The following RBFOX1 variants were observed in gnomAD, a reference collection of about 807,000 sequenced individuals.
The protein encoded by RBFOX1 is RNA binding fox-1 homolog 1.
Under a neutral mutation model 57.7 loss-of-function variants are expected in RBFOX1, and 8 were observed. That is an observed-to-expected ratio of 0.14 (90% confidence interval 0.08 to 0.25). The LOEUF (loss-of-function observed/expected upper bound fraction) is 0.25, where lower values mean the gene tolerates loss of function less well. Ranked by LOEUF, RBFOX1 falls within the 10% of genes least tolerant of loss-of-function variation. RBFOX1 has a pLI of 1.00. For synonymous variants in RBFOX1, 326 were observed against 222.4 expected, an observed-to-expected ratio of 1.47 and a Z score of -4.15; for missense variants, 611 against 548.5, an observed-to-expected ratio of 1.11 and a Z score of -1.14.
intron 5 of RBFOX1, among the ~76,000 whole-genome samples, chr16:7,542,951 G>GTGACATTACAACTATAGGTAC (rs2083370717): frequency 6.6e-6 from 1 of 152,122 alleles, no homozygotes; most frequent in East Asian, 1.9e-4. Flanking sequence ...AGAAAGGCAA[G>GTGACATTACAACTATAGGTAC]TGACATTACA....
At chr16:5,913,477 G>A (rs1487195364) in intron 4 of RBFOX1, among the ~76,000 whole-genome samples, 3 of 152,094 alleles carry the variant, frequency 2.0e-5, no homozygotes, top group Admixed American at 2.0e-4. Flanking sequence ...AAAGAGCCTG[G>A]TATCTCTCTT....
chr16:6,192,854 T>C (rs894453939), intron 1 of RBFOX1, among the ~76,000 whole-genome samples: 1 of 152,178 alleles, frequency 6.6e-6, no homozygotes, highest in African/African-American at 2.4e-5. Context: ...AGCATCTTTA[T>C]TGAGATCCAT....
At chr16:5,247,298 C>G (rs1432552741) in intron 1 of RBFOX1, among the ~76,000 whole-genome samples, 1 of 152,196 alleles carries the variant, frequency 6.6e-6, no homozygotes, top group African/African-American at 2.4e-5. Flanking sequence ...TCCAAAGCCC[C>G]TATCCTTCCA....
chr16:7,464,364 T>C (rs1029555847), intron 4 of RBFOX1, among the ~76,000 whole-genome samples: 9 of 152,056 alleles, frequency 5.9e-5, no homozygotes, highest in Admixed American at 4.6e-4. Context: ...TCCAAAGGAA[T>C]ATCGCAGAAG....
At chr16:6,352,858 C>T (rs2086648430) in intron 2 of RBFOX1, among the ~76,000 whole-genome samples, 1 of 152,140 alleles carries the variant, frequency 6.6e-6, no homozygotes, top group Non-Finnish European at 1.5e-5. Context: ...TAATTTCCTT[C>T]ATGCTCGCAA....
intron 3 of RBFOX1, among the ~76,000 whole-genome samples, chr16:6,834,921 C>G (rs1338827650): frequency 6.0e-5 from 8 of 132,544 alleles, no homozygotes; most frequent in East Asian, 2.3e-4. Flanking sequence ...GAGATGGTGT[C>G]TCGCTCTGTT....
intron 3 of RBFOX1, among the ~76,000 whole-genome samples, chr16:6,716,961 C>T (rs1603455718): frequency 6.6e-6 from 1 of 152,268 alleles, no homozygotes; most frequent in East Asian, 1.9e-4. Context: ...GAGTGGAGCC[C>T]TCACAAATGG....
At chr16:6,869,535 C>T (rs2060510210) in intron 3 of RBFOX1, among the ~76,000 whole-genome samples, 1 of 151,420 alleles carries the variant, frequency 6.6e-6, no homozygotes. Flanking sequence ...TTTATGAATC[C>T]TTTTTGTTCA....
At chr16:6,949,223 C>G (rs887580654) in intron 3 of RBFOX1, among the ~76,000 whole-genome samples, 3 of 151,936 alleles carry the variant, frequency 2.0e-5, no homozygotes, top group African/African-American at 7.3e-5. Context: ...GATATAGAAA[C>G]AAGCCTATAA....
chr16:6,858,856 C>T (rs1004228031), intron 3 of RBFOX1, among the ~76,000 whole-genome samples: 1 of 151,850 alleles, frequency 6.6e-6, no homozygotes, highest in Non-Finnish European at 1.5e-5. Context: ...ATGCAAAACT[C>T]AGACTCGTAG....
rs147589207 is a variant in RBFOX1, at chr16:5,459,737, A to G, written c.220-7479A>G. Among the ~76,000 whole-genome samples the G allele has an allele frequency of 4.6e-5, 7 of 152,136 alleles. No individual in the cohort carries two copies. The East Asian group carries it at 1.4e-3, about 29-fold the overall frequency. ...CACACATACACACATGCACGCACACACACGCTCACACACGCACCTGCATAC... is the reference window on the plus strand; with the variant it reads ...CACACATACACACATGCACGCACACGCACGCTCACACACGCACCTGCATAC... On this transcript the variant is annotated intron_variant, in intron 1 of 2. Coordinates refer to the RBFOX1 transcript ENST00000585867.
chr16:7,062,794 GC>G (rs2054797477), intron 4 of RBFOX1, among the ~76,000 whole-genome samples: 1 of 151,200 alleles, frequency 6.6e-6, no homozygotes, highest in East Asian at 1.9e-4. Flanking sequence ...GGTTCCCAGG[GC>G]TAGACCTCAG....
chr16:7,314,436 G>C (rs1391059480), intron 4 of RBFOX1, among the ~76,000 whole-genome samples: 2 of 152,154 alleles, frequency 1.3e-5, no homozygotes, highest in East Asian at 3.9e-4. Context: ...ACCTTCCTGA[G>C]CTCTGAGATG....
intron 5 of RBFOX1, among the ~76,000 whole-genome samples, chr16:7,563,896 C>T (rs2091056641): frequency 6.6e-6 from 1 of 152,172 alleles, no homozygotes; most frequent in Admixed American, 6.5e-5. Flanking sequence ...ACCTCCAACC[C>T]TGCCCACTGT....
intron 4 of RBFOX1, among the ~76,000 whole-genome samples, chr16:7,088,148 TG>T (rs976791217): frequency 2.0e-5 from 3 of 152,120 alleles, no homozygotes; most frequent in Non-Finnish European, 4.4e-5. Flanking sequence ...GTATGGGGTT[TG>T]GGGGGATGTA....
At chr16:5,916,833 A>G (rs1567144240) in intron 4 of RBFOX1, among the ~76,000 whole-genome samples, 1 of 152,058 alleles carries the variant, frequency 6.6e-6, no homozygotes, top group Non-Finnish European at 1.5e-5. Context: ...CGGAAACCAC[A>G]TCCTCTTAGC....
intron 3 of RBFOX1, among the ~76,000 whole-genome samples, chr16:5,832,003 A>G (rs1482904862): frequency 6.6e-6 from 1 of 152,160 alleles, no homozygotes; most frequent in East Asian, 1.9e-4. Flanking sequence ...CTTTCATCCT[A>G]GAGGGAAGGT....
chr16:5,505,222 A>G (rs956680517), intron 2 of RBFOX1, among the ~76,000 whole-genome samples: 1 of 152,138 alleles, frequency 6.6e-6, no homozygotes, highest in Admixed American at 6.5e-5. Flanking sequence ...CTTCTCCTCT[A>G]CTTAAAACCT....
chr16:5,662,738 G>T (rs909552651), intron 3 of RBFOX1, among the ~76,000 whole-genome samples: 1 of 152,186 alleles, frequency 6.6e-6, no homozygotes, highest in Non-Finnish European at 1.5e-5. Flanking sequence ...GGGGGTGGAG[G>T]TTTGAAGTTC....
Sources: gnomAD v4.1 joint callset for allele counts (sites outside exome capture counted in the v4.1 genomes callset) on GRCh38, gnomAD v4.1.1 for gene constraint, MANE v1.5 for transcripts, NCBI Gene and HGNC (gene_info 2026-07-23, HGNC 2026-07-21) for gene names.